Variants in CRLF2 observed in about 807,000 individuals in gnomAD.
CRLF2 encodes cytokine receptor like factor 2, also known as cytokine receptor-like factor 2.
A neutral mutation model predicts 38.7 loss-of-function variants in CRLF2; 41 were observed. The ratio of observed to expected loss-of-function variants is 1.06; its 90% CI spans 0.83 to 1.37. The LOEUF (loss-of-function observed/expected upper bound fraction) is 1.37, where lower values mean the gene tolerates loss of function less well. CRLF2 is among the 40% of genes most tolerant of loss of function. CRLF2 has a pLI of 0.00. For missense variants in CRLF2, 377 were observed against 322.2 expected (o/e 1.17, Z -1.30); for synonymous variants, 140 against 128.8 (o/e 1.09, Z -0.59).
chrX:1,195,901 ATG>A (rs1327520023), intron 6 of CRLF2, among the ~76,000 whole-genome samples: 2 of 140,396 alleles, frequency 1.4e-5, no homozygotes, highest in Admixed American at 7.7e-5. Flanking sequence ...TAAATTAAAT[ATG>A]TATTTATATA....
chrX:1,200,538 A>G (rs1380691648), intron 4 of CRLF2, among the ~76,000 whole-genome samples: 1 of 149,608 alleles, frequency 6.7e-6, no homozygotes, highest in African/African-American at 2.5e-5. Context: ...TAAGCTGTGT[A>G]TATATGTGTG....
intron 3 of CRLF2, among the ~76,000 whole-genome samples, chrX:1,206,078 G>C (rs1346849527): frequency 1.2e-4 from 19 of 152,028 alleles, no homozygotes; most frequent in Non-Finnish European, 5.9e-5. Context: ...GCTGAAGGAA[G>C]TAGTGAAAAG....
At position 1,206,914 on chromosome X, in the gene CRLF2, G is replaced by T. The variant is rs189961867; in HGVS notation, c.183-315C>A. Among the ~76,000 whole-genome samples the T allele has an allele frequency of 3.7e-3, 548 of 149,944 alleles. 3 individuals are homozygous for T. The highest frequency in any genetic ancestry group is 0.013 in the African/African-American group (514 of 40,606). ...TACACCTTGGCCTCCCAAACTGCTG[G>T]AATGAGAGGTGTGAGCTACCACACC... On this transcript the variant is annotated intron_variant, in intron 2 of 7. Coordinates refer to ENST00000400841, the MANE Select transcript of CRLF2 (RefSeq NM_022148.4).
intron 3 of CRLF2, among the ~76,000 whole-genome samples, chrX:1,204,358 A>G (rs1397219151): frequency 6.6e-6 from 1 of 151,922 alleles, no homozygotes; most frequent in Non-Finnish European, 1.5e-5. Flanking sequence ...CGTCCCGAGT[A>G]GCTGGGATTA....
At chrX:1,194,770 G>A (rs1330085027) in intron 6 of CRLF2, among the ~76,000 whole-genome samples, 110 of 152,194 alleles carry the variant, frequency 7.2e-4, no homozygotes, top group African/African-American at 2.3e-3. Context: ...GGTGGCTCAC[G>A]CCTGTCATCC....
At chrX:1,192,739 T>G (rs1312849957) in intron 7 of CRLF2, among the ~76,000 whole-genome samples, 4 of 144,590 alleles carry the variant, frequency 2.8e-5, no homozygotes, top group Non-Finnish European at 6.0e-5. Flanking sequence ...TTTCTTTCTT[T>G]CTTTCTTTCT....
intron 5 of CRLF2, among the ~76,000 whole-genome samples, 184 bp from the exon 6 acceptor site, chrX:1,197,084 A>T (rs2086492968): frequency 7.1e-6 from 1 of 140,270 alleles, no homozygotes; most frequent in African/African-American, 2.7e-5. Flanking sequence ...CGTGTCAGCA[A>T]ATCTTTTACT....
At chrX:1,191,359 TTCCTTTCTTTC>T (rs2147816704) in intron 7 of CRLF2, among the ~76,000 whole-genome samples, 199 bp from the exon 8 acceptor site, 3 of 126,268 alleles carry the variant, frequency 2.4e-5, no homozygotes, top group African/African-American at 5.6e-5. Flanking sequence ...CTTTCTTTCT[TTCCTTTCTTTC>T]TCTTTCTTTC....
chrX:1,210,977 A>G (rs1361828000), intron 1 of CRLF2, among the ~76,000 whole-genome samples: 1 of 151,314 alleles, frequency 6.6e-6, no homozygotes, highest in Non-Finnish European at 1.5e-5. Context: ...AGATGTGTAC[A>G]TGGATGGGTG....
chrX:1,191,295 C>CTCTTTCTTCCTTCTT (rs2086369078), intron 7 of CRLF2, 135 bp from the exon 8 acceptor site: 7 of 331,124 alleles, frequency 2.1e-5, no homozygotes, highest in Non-Finnish European at 3.5e-5. Context: ...CTTTTCTTTT[C>CTCTTTCTTCCTTCTT]TCTTTCTTTC....
intron 7 of CRLF2, among the ~76,000 whole-genome samples, chrX:1,192,183 C>G (rs1422500082): frequency 3.2e-5 from 4 of 126,310 alleles, no homozygotes; most frequent in East Asian, 2.4e-4. Flanking sequence ...CCAGCCTGGG[C>G]GACAGAGCGA....
At chrX:1,207,263 TTTGTTTTTTGAAACAGAGTTTTGTTCTTG>T (rs1414999837) in intron 2 of CRLF2, among the ~76,000 whole-genome samples, 1 of 146,952 alleles carries the variant, frequency 6.8e-6, no homozygotes, top group African/African-American at 2.5e-5. Flanking sequence ...TATTTGTTCG[TTTGTTTTTTGAAACAGAGTTTTGTTCTTG>T]TTGCCCAGGC....
chrX:1,191,279 C>A (rs1205943048), intron 7 of CRLF2, 119 bp from the exon 8 acceptor site: 7 of 382,386 alleles, frequency 1.8e-5, no homozygotes, highest in Non-Finnish European at 3.2e-5. Context: ...TTCTTTCTCT[C>A]TCTTTCTTTT....
intron 3 of CRLF2, 68 bp from the exon 4 acceptor site, chrX:1,202,603 C>T (rs368444823): frequency 6.3e-7 from 1 of 1,588,092 alleles, no homozygotes; most frequent in Non-Finnish European, 8.6e-7. Flanking sequence ...CTGACCTCAT[C>T]CCCTTTCTCT....
chrX:1,206,121 ATCATGGATC>A (rs2086687014), intron 3 of CRLF2, among the ~76,000 whole-genome samples: 2 of 151,992 alleles, frequency 1.3e-5, no homozygotes, highest in South Asian at 4.1e-4. Context: ...TATTACGGTA[ATCATGGATC>A]CGACGATTTA....
In CRLF2 at chrX:1,195,950, T is replaced by C. The variant is rs1395740064; in HGVS notation, c.767+830A>G. Reference sequence around the variant, plus strand: ...ATTACATTAAATATATTTATATATATTTTATATATAAATTAAATATATATT... The same window carrying C: ...ATTACATTAAATATATTTATATATACTTTATATATAAATTAAATATATATT... On this transcript the variant is annotated intron_variant, in intron 6 of 7. Transcript: ENST00000400841. Among the ~76,000 whole-genome samples, 4 of 141,188 alleles carry C rather than the reference T, an allele frequency of 2.8e-5. No individual in the cohort carries two copies. The East Asian group carries it at 7.9e-4, about 28-fold the overall frequency. 92.6% of individuals were successfully genotyped at this position (141,188 alleles called of 152,430 possible). A position where few individuals can be genotyped will look rare whatever the true frequency, so the allele number is the denominator to read the frequency against.
At chrX:1,205,364 G>T (rs1249003783) in intron 3 of CRLF2, among the ~76,000 whole-genome samples, 1 of 152,216 alleles carries the variant, frequency 6.6e-6, no homozygotes. Flanking sequence ...TGAAAAGTGT[G>T]CTGGGATTGC....
At chrX:1,195,347 T>C (rs1158062641) in intron 6 of CRLF2, among the ~76,000 whole-genome samples, 4 of 152,038 alleles carry the variant, frequency 2.6e-5, no homozygotes, top group African/African-American at 9.7e-5. Flanking sequence ...GCAAAGACAA[T>C]ATTAGATCTT....
chrX:1,208,452 G>T (rs1321957441), intron 2 of CRLF2, among the ~76,000 whole-genome samples: 1 of 152,052 alleles, frequency 6.6e-6, no homozygotes, highest in Non-Finnish European at 1.5e-5. Flanking sequence ...CCAGCTACTC[G>T]GGAGGCTGAG....
Sources: gnomAD v4.1 joint callset for allele counts (sites outside exome capture counted in the v4.1 genomes callset) on GRCh38, gnomAD v4.1.1 for gene constraint, MANE v1.5 for transcripts, NCBI Gene and HGNC (gene_info 2026-07-23, HGNC 2026-07-21) for gene names.